CDH12: variants seen among roughly 807,000 people sequenced by gnomAD.
CDH12 encodes the protein cadherin-12.
A neutral mutation model predicts 74.1 loss-of-function variants in CDH12; 41 were observed. The ratio of observed to expected loss-of-function variants is 0.55; its 90% confidence interval spans 0.43 to 0.72. The LOEUF is 0.72. CDH12 is among the 30% of genes least tolerant of loss of function. The pLI is 0.00. For missense variants in CDH12, 945 were observed against 977.2 expected (o/e 0.97, Z 0.44); for synonymous variants, 399 against 355.0 (o/e 1.12, Z -1.39).
rs1019418394 is a variant in CDH12 at position 22,785,999 on chromosome 5, A to G, written c.-523+67059T>C. 3.9e-5 allele frequency among the ~76,000 whole-genome samples: 6 copies of G among 152,294 alleles called. 1 individual carries two copies. The highest frequency in any genetic ancestry group is 7.2e-5 in the African/African-American group (3 of 41,576). On this transcript the variant is annotated intron_variant, in intron 1 of 14. Transcript: ENST00000382254. ...AAAGAAATATAAATTGTTTTATCAC[A>G]AAGAAACATACACATGTATGTTCAT...
chr5:22,452,307 C>T (rs1403564583), intron 2 of CDH12, among the ~76,000 whole-genome samples: 1 of 151,938 alleles, frequency 6.6e-6, no homozygotes, highest in Non-Finnish European at 1.5e-5. Context: ...ATTTCACTAC[C>T]TGACTTCAAA....
At position 22,711,570 on chromosome 5, in the gene CDH12, G is replaced by T. The variant is rs114038738; in HGVS notation, c.-523+141488C>A. On this transcript the variant is annotated intron_variant, in intron 1 of 14. Coordinates refer to ENST00000382254, the MANE Select transcript of CDH12 (RefSeq NM_004061.5). ...GCAAGTTCACTGACAACCAGGTCTTGTCATAAATAATTGAAATAATATGGC... is the reference window on the plus strand; with the variant it reads ...GCAAGTTCACTGACAACCAGGTCTTTTCATAAATAATTGAAATAATATGGC... Among the ~76,000 whole-genome samples the T allele has an allele frequency of 7.8e-3, 1,185 of 152,178 alleles. 14 individuals are homozygous for T. Among genetic ancestry groups the T allele is most frequent in the African/African-American group, 0.027 (1,128 of 41,544 alleles).
chr5:22,381,145 T>C (rs1461688436), intron 3 of CDH12, among the ~76,000 whole-genome samples: 1 of 152,044 alleles, frequency 6.6e-6, no homozygotes, highest in South Asian at 2.1e-4. Flanking sequence ...ATTCTATCTT[T>C]CTCTTGGGGA....
intron 3 of CDH12, among the ~76,000 whole-genome samples, chr5:22,325,941 C>T (rs1031413980): frequency 1.3e-5 from 2 of 151,918 alleles, no homozygotes; most frequent in African/African-American, 4.8e-5. Context: ...AAAAGGTAAT[C>T]ACAAGTAATA....
chr5:22,564,964 G>A (rs1739223387), intron 1 of CDH12, among the ~76,000 whole-genome samples: 1 of 152,092 alleles, frequency 6.6e-6, no homozygotes, highest in African/African-American at 2.4e-5. Context: ...TTTTGAGACA[G>A]TCTCACTCTG....
At chr5:22,325,304 G>C (rs1739039244) in intron 3 of CDH12, among the ~76,000 whole-genome samples, 1 of 151,910 alleles carries the variant, frequency 6.6e-6, no homozygotes, top group Non-Finnish European at 1.5e-5. Context: ...CTAAACCTCA[G>C]AGCAAAAAGC....
intron 5 of CDH12, among the ~76,000 whole-genome samples, chr5:22,053,406 A>G (rs1740522519): frequency 6.6e-6 from 1 of 152,092 alleles, no homozygotes; most frequent in African/African-American, 2.4e-5. Flanking sequence ...GCCAGGTCTC[A>G]TTTAAGAGCT....
intron 1 of CDH12, among the ~76,000 whole-genome samples, chr5:22,600,213 T>A (rs944067948): frequency 3.9e-5 from 6 of 152,138 alleles, no homozygotes; most frequent in Non-Finnish European, 8.8e-5. Context: ...AGTTACTATA[T>A]GTGAAGCATT....
chr5:22,374,443 T>C (rs1741435062), intron 3 of CDH12, among the ~76,000 whole-genome samples: 1 of 152,116 alleles, frequency 6.6e-6, no homozygotes, highest in Non-Finnish European at 1.5e-5. Context: ...CAATATGTAC[T>C]GGAAATCCTA....
intron 5 of CDH12, among the ~76,000 whole-genome samples, chr5:22,067,669 T>C (rs1336790632): frequency 6.6e-6 from 1 of 152,170 alleles, no homozygotes; most frequent in Non-Finnish European, 1.5e-5. Context: ...TCTCATTTGA[T>C]GAATTACAGC....
In CDH12 at chr5:22,709,438, A is replaced by G. The variant is rs191451164; in HGVS notation, c.-523+143620T>C. 4.6e-5 allele frequency among the ~76,000 whole-genome samples: 7 copies of G among 152,302 alleles called. No individual in the cohort carries two copies. In the East Asian group the frequency reaches 1.4e-3, roughly 29 times the overall value. ...TAGAAGATTTAACAACTCATCTGTC[A>G]GCAATTTTGCAATCAAACAGAAAAA... is the stretch of plus-strand genomic sequence containing the variant. On this transcript the variant is annotated intron_variant, in intron 1 of 14. Coordinates refer to ENST00000382254, the MANE Select transcript of CDH12 (RefSeq NM_004061.5).
In CDH12 at chr5:22,416,060, C is replaced by CT. The variant is rs58606764; in HGVS notation, c.-427-10710dup. On this transcript the variant is annotated intron_variant, in intron 2 of 14. Transcript: ENST00000382254. Reference sequence around the variant, plus strand: ...AAACAAGTGTAATGTACTTGTAGGTCTTTTTTTTTTTTTTTTTTTTTTTTT... The same window carrying CT: ...AAACAAGTGTAATGTACTTGTAGGTCTTTTTTTTTTTTTTTTTTTTTTTTTT... Among the ~76,000 whole-genome samples the CT allele has an allele frequency of 1.1e-3, 74 of 65,144 alleles. 6 individuals are homozygous for CT. Among genetic ancestry groups the CT allele is most frequent in the Non-Finnish European group, 1.5e-3 (61 of 39,442 alleles). 42.7% of individuals were successfully genotyped at this position (65,144 alleles called of 152,430 possible).
At chr5:22,123,978 T>A (rs1449833400) in intron 4 of CDH12, among the ~76,000 whole-genome samples, 2 of 151,324 alleles carry the variant, frequency 1.3e-5, no homozygotes, top group African/African-American at 4.8e-5. Context: ...ATTTTTTATT[T>A]TTTTTCTGGG....
At chr5:22,786,872 C>T (rs1282873496) in intron 1 of CDH12, among the ~76,000 whole-genome samples, 1 of 151,952 alleles carries the variant, frequency 6.6e-6, no homozygotes, top group Non-Finnish European at 1.5e-5. Context: ...ATGCATGCCA[C>T]CACATCTGGC....
intron 3 of CDH12, among the ~76,000 whole-genome samples, chr5:22,368,689 C>T (rs144538675): frequency 9.9e-5 from 15 of 152,280 alleles, no homozygotes. Flanking sequence ...AGTAACATTT[C>T]ACTTTTTTAT....
chr5:21,961,543 C>T (rs911746381), intron 6 of CDH12, among the ~76,000 whole-genome samples: 1 of 152,014 alleles, frequency 6.6e-6, no homozygotes, highest in East Asian at 1.9e-4. Flanking sequence ...AAGGATGCGA[C>T]CTTATTTAAA....
chr5:22,642,937 G>A (rs1181192551), intron 1 of CDH12, among the ~76,000 whole-genome samples: 3 of 152,032 alleles, frequency 2.0e-5, no homozygotes, highest in African/African-American at 7.2e-5. Context: ...TCGTTACTGT[G>A]CAAGTGAATG....
intron 4 of CDH12, among the ~76,000 whole-genome samples, chr5:22,137,239 C>T (rs1473658650): frequency 2.0e-5 from 3 of 151,964 alleles, no homozygotes; most frequent in East Asian, 1.9e-4. Context: ...TTGCCATTCA[C>T]GTTTTAGTAG....
chr5:22,363,267 C>A (rs1453628428), intron 3 of CDH12, among the ~76,000 whole-genome samples: 1 of 152,002 alleles, frequency 6.6e-6, no homozygotes. Flanking sequence ...TTAAATTTAT[C>A]ATTATGCAAA....
Sources: allele counts gnomAD v4.1 joint callset (sites outside exome capture counted in the v4.1 genomes callset), GRCh38; gene constraint gnomAD v4.1.1; transcripts MANE v1.5; gene names NCBI Gene and HGNC (gene_info 2026-07-23, HGNC 2026-07-21).